The following DICER1 variants were observed in gnomAD, a reference collection of about 807,000 sequenced individuals.
DICER1 encodes dicer 1, ribonuclease III.
DICER1 carries 43 observed loss-of-function variants against 194.1 expected under a neutral mutation model. The ratio of observed to expected loss-of-function variants is 0.22; its 90% CI spans 0.17 to 0.29. DICER1 has a LOEUF of 0.29. Ranked by LOEUF, DICER1 falls within the 10% of genes least tolerant of loss-of-function variation. The pLI is 1.00. For missense variants in DICER1, 1,608 were observed against 2,317.0 expected (o/e 0.69, Z 6.28); for synonymous variants, 832 against 820.5 (o/e 1.01, Z -0.24).
At chr14:95,113,942 A>G (rs1892210085) in intron 11 of DICER1, among the ~76,000 whole-genome samples, 1 of 152,220 alleles carries the variant, frequency 6.6e-6, no homozygotes, top group Non-Finnish European at 1.5e-5. Flanking sequence ...TTTGAGGACA[A>G]TGGGAGCCAA....
chr14:95,095,678 T>C lies in DICER1; in HGVS notation c.5095+147A>G, dbSNP rs184372439. The C allele has an allele frequency of 1.2e-3, 1,112 of 910,668 alleles. 9 individuals are homozygous for C. The highest frequency in any genetic ancestry group is 2.7e-3 in the Middle Eastern group (12 of 4,484). The allele number at this position is 910,668 out of a possible 1,614,324, so 56.4% of individuals were successfully genotyped here. On this transcript the variant is annotated intron_variant, in intron 23 of 26. Coordinates refer to ENST00000343455, the MANE Select transcript of DICER1 (RefSeq NM_177438.3). ...CCCCAAATAACAAGGAAAAGAATTC[T>C]TTCTATTCCTTTTGTTCCCCGCCCC...
rs752740048 is a variant in DICER1, at chr14:95,099,884, G to A, written c.4102C>T (p.Arg1368Cys). 54 of 1,613,836 alleles carry A rather than the reference G, an allele frequency of 3.3e-5. No homozygotes were observed. The highest frequency in any genetic ancestry group is 4.5e-5 in the East Asian group (2 of 44,880). Residue 1368 changes from arginine (R) to cysteine (C), a missense_variant, in exon 22 of 27, where the codon CGC becomes TGC. Physicochemically the swap from Arg to Cys is radical, Grantham distance 180 (BLOSUM62 -3). Around this residue, in one of 10 missense-constraint regions of DICER1, gnomAD observed 58 missense variants for 125.7 expected, o/e 0.46. Coordinates refer to ENST00000343455, the MANE Select transcript of DICER1 (RefSeq NM_177438.3). ...GGATCAAATATTGACACCACCATGC[G>A]GCTGGGTAGTCCCTTCTTTTTTCCA... ...RLGKKKGLPS[R>C]MVVSIFDPPV...
chr14:95,122,625 C>CTA (rs1007713073), intron 8 of DICER1, among the ~76,000 whole-genome samples: 8 of 152,210 alleles, frequency 5.3e-5, no homozygotes, highest in Non-Finnish European at 1.0e-4. Flanking sequence ...CTGCCATTGA[C>CTA]TAGCAATTTA....
intron 26 of DICER1, 153 bp from the exon 27 acceptor site, chr14:95,090,816 C>T: frequency 9.7e-7 from 1 of 1,026,570 alleles, no homozygotes; most frequent in Non-Finnish European, 1.5e-6. Context: ...CAATTGCATA[C>T]CCCCGACAGA....
chr14:95,119,066 T>C (rs186386617), intron 8 of DICER1, among the ~76,000 whole-genome samples: 61 of 152,280 alleles, frequency 4.0e-4, no homozygotes, highest in African/African-American at 1.4e-3. Context: ...ACAAATAACA[T>C]GTCCAAAAGT....
At chr14:95,093,209 A>ATTTCTTATTT (rs1270293952) in intron 24 of DICER1, among the ~76,000 whole-genome samples, 1 of 152,238 alleles carries the variant, frequency 6.6e-6, no homozygotes, top group Non-Finnish European at 1.5e-5. Flanking sequence ...ATCAAAGGAA[A>ATTTCTTATTT]TGAAATGGGA....
intron 1 of DICER1, among the ~76,000 whole-genome samples, chr14:95,138,994 T>TAAAAAAAA (rs67050539): frequency 2.9e-5 from 4 of 135,972 alleles, no homozygotes; most frequent in East Asian, 2.2e-4. Context: ...AATAAAAAAA[T>TAAAAAAAA]AAAAAAAAAA....
intron 24 of DICER1, among the ~76,000 whole-genome samples, chr14:95,092,376 G>A (rs964644041): frequency 4.6e-5 from 7 of 151,960 alleles, no homozygotes; most frequent in Non-Finnish European, 7.4e-5. Flanking sequence ...TTATTTACTT[G>A]TACTAACTTT....
At chr14:95,139,790 T>C (rs1482701546) in intron 1 of DICER1, among the ~76,000 whole-genome samples, 1 of 152,222 alleles carries the variant, frequency 6.6e-6, no homozygotes, top group Non-Finnish European at 1.5e-5. Context: ...AGAGAGGATG[T>C]ACAAGGACAT....
rs138878193 is a variant in DICER1 at position 95,144,681 on chromosome 14, T to G, written c.-45-11178A>C. On this transcript the variant is annotated intron_variant, in intron 1 of 26. Coordinates refer to ENST00000343455, the MANE Select transcript of DICER1 (RefSeq NM_177438.3). Reference sequence around the variant, plus strand: ...TTCTCATATAATGCATAGAAGATTTTATACAGAATTTATAGCCAGATTAAC... The same window carrying G: ...TTCTCATATAATGCATAGAAGATTTGATACAGAATTTATAGCCAGATTAAC... 4.6e-5 allele frequency among the ~76,000 whole-genome samples: 7 copies of G among 152,310 alleles called. No individual in the cohort carries two copies. The East Asian group carries it at 1.3e-3, about 29-fold the overall frequency.
At chr14:95,152,404 A>C (rs944578468) in intron 1 of DICER1, among the ~76,000 whole-genome samples, 1 of 152,234 alleles carries the variant, frequency 6.6e-6, no homozygotes, top group African/African-American at 2.4e-5. Flanking sequence ...GTTAGCTTCT[A>C]AATACTTCAA....
rs1392597610 is a variant in DICER1, at chr14:95,134,206, T to C, written c.-45-703A>G. 2.6e-5 allele frequency among the ~76,000 whole-genome samples: 4 copies of C among 152,218 alleles called. No individual in the cohort carries two copies. In the East Asian group the frequency reaches 7.7e-4, roughly 29 times the overall value. On this transcript the variant is annotated intron_variant, in intron 1 of 26. Transcript: ENST00000343455. ...CTATTTAAATATGTATCTTTAAAAT[T>C]ATACATATCCTAGATAAATTAAAAC...
At chr14:95,100,184 T>C (rs1413228819) in intron 21 of DICER1, among the ~76,000 whole-genome samples, 2 of 152,186 alleles carry the variant, frequency 1.3e-5, no homozygotes, top group Non-Finnish European at 2.9e-5. Context: ...GAAAAAATAA[T>C]GTATATAACT....
At chr14:95,131,471 T>A (rs753345225) in intron 4 of DICER1, 38 bp downstream of exon 4, 2 of 1,596,464 alleles carry the variant, frequency 1.3e-6, no homozygotes, top group Non-Finnish European at 1.7e-6. Context: ...CAAGAACTTG[T>A]AGGGATTTAT....
intron 23 of DICER1, 183 bp downstream of exon 23, chr14:95,095,642 C>G: frequency 1.4e-6 from 1 of 708,728 alleles, no homozygotes; most frequent in South Asian, 1.6e-5. Flanking sequence ...AGTTATAAAG[C>G]AATACGTGCT....
chr14:95,123,700 C>CTG (rs1893138059), intron 8 of DICER1, among the ~76,000 whole-genome samples: 1 of 152,124 alleles, frequency 6.6e-6, no homozygotes, highest in South Asian at 2.1e-4. Context: ...CCCATCATGC[C>CTG]CAACCTAGCC....
chr14:95,101,957 G>A (rs1479457429), intron 21 of DICER1, among the ~76,000 whole-genome samples: 1 of 152,158 alleles, frequency 6.6e-6, no homozygotes, highest in Non-Finnish European at 1.5e-5. Flanking sequence ...TTCGACCCAA[G>A]CTCTGCCACT....
rs2140076980 is a variant in DICER1 at position 95,112,169 on chromosome 14, T to C, written c.2116+3A>G. Reference sequence around the variant, plus strand: ...TTCGTATATGCTTTTCAAACATCCTTACCAATTTTGTGCAGTTTCTCACAG... The same window carrying C: ...TTCGTATATGCTTTTCAAACATCCTCACCAATTTTGTGCAGTTTCTCACAG... On this transcript the variant is annotated splice_donor_region_variant and intron_variant, in intron 13 of 26. Coordinates refer to ENST00000343455, the MANE Select transcript of DICER1 (RefSeq NM_177438.3). 6.2e-7 allele frequency: 1 copy of C among 1,613,280 alleles called. No homozygotes were observed. Among genetic ancestry groups the C allele is most frequent in the Non-Finnish European group, 8.5e-7 (1 of 1,179,238 alleles).
intron 10 of DICER1, 55 bp downstream of exon 10, chr14:95,116,398 G>C (rs1013482470): frequency 2.5e-6 from 4 of 1,587,720 alleles, no homozygotes; most frequent in East Asian, 2.2e-5. Flanking sequence ...TAACAAAGAA[G>C]CCACATTAAT....
Sources: allele counts gnomAD v4.1 joint callset (sites outside exome capture counted in the v4.1 genomes callset), GRCh38; gene constraint gnomAD v4.1.1; regional missense constraint gnomAD v4.1.1; transcripts MANE v1.5; gene names NCBI Gene and HGNC (gene_info 2026-07-23, HGNC 2026-07-21).